The following CSMD1 variants were observed in gnomAD, a reference collection of about 807,000 sequenced individuals.
CSMD1 encodes the protein CUB and sushi domain-containing protein 1.
In CSMD1, 213 loss-of-function variants were observed where a neutral mutation model predicts 417.5. The ratio of observed to expected loss-of-function variants is 0.51; its 90% CI spans 0.46 to 0.57. The LOEUF (loss-of-function observed/expected upper bound fraction) is 0.57. Ranked by LOEUF, CSMD1 falls within the 20% of genes least tolerant of loss-of-function variation. The pLI, the probability that CSMD1 is intolerant of heterozygous loss-of-function variation, is 0.00. For synonymous variants in CSMD1, 2,862 were observed against 1,736.8 expected (o/e 1.65, Z -16.11); for missense variants, 6,923 against 4,529.7 (o/e 1.53, Z -15.17).
At chr8:3,431,338 G>A (rs1250510474) in intron 12 of CSMD1, among the ~76,000 whole-genome samples, 7 of 152,146 alleles carry the variant, frequency 4.6e-5, no homozygotes, top group Non-Finnish European at 8.8e-5. Flanking sequence ...CAGAAAGGCA[G>A]TAACTTGGAG....
intron 1 of CSMD1, among the ~76,000 whole-genome samples, chr8:4,848,570 AC>A (rs1164812241): frequency 6.7e-6 from 1 of 149,806 alleles, no homozygotes; most frequent in African/African-American, 2.5e-5. Flanking sequence ...ACGGAGTCTC[AC>A]TCTGTCACCC....
chr8:4,774,109 G>C (rs1320660737), intron 1 of CSMD1, among the ~76,000 whole-genome samples: 2 of 152,098 alleles, frequency 1.3e-5, no homozygotes, highest in Non-Finnish European at 2.9e-5. Flanking sequence ...AGGCAGGAGA[G>C]GGTTCACTTG....
intron 26 of CSMD1, among the ~76,000 whole-genome samples, chr8:3,270,809 A>G (rs999566864): frequency 7.9e-5 from 12 of 152,194 alleles, no homozygotes; most frequent in African/African-American, 2.9e-4. Flanking sequence ...AGACTGGGTA[A>G]TTTATAAAGA....
intron 3 of CSMD1, among the ~76,000 whole-genome samples, chr8:4,402,209 TG>T (rs1214045156): frequency 6.6e-6 from 1 of 152,170 alleles, no homozygotes; most frequent in African/African-American, 2.4e-5. Context: ...TGACATCCCA[TG>T]CTCTTATCTC....
intron 2 of CSMD1, among the ~76,000 whole-genome samples, chr8:4,424,216 T>A (rs1051739420): frequency 6.6e-6 from 1 of 151,916 alleles, no homozygotes; most frequent in Non-Finnish European, 1.5e-5. Context: ...ATTAAAAACT[T>A]TGGCTGCAAA....
At chr8:4,537,522 G>C (rs1000239935) in intron 2 of CSMD1, among the ~76,000 whole-genome samples, 4 of 152,166 alleles carry the variant, frequency 2.6e-5, no homozygotes, top group South Asian at 2.1e-4. Context: ...TTACAGACTA[G>C]TTTTAATTGA....
intron 5 of CSMD1, among the ~76,000 whole-genome samples, chr8:3,818,903 C>A (rs1221758707): frequency 1.3e-5 from 2 of 152,188 alleles, no homozygotes; most frequent in African/African-American, 4.8e-5. Flanking sequence ...GAAAGCAAGA[C>A]CACCGCACAT....
At chr8:4,659,411 T>C (rs1233808234) in intron 1 of CSMD1, among the ~76,000 whole-genome samples, 1 of 151,998 alleles carries the variant, frequency 6.6e-6, no homozygotes, top group Non-Finnish European at 1.5e-5. Context: ...AACAATAGAA[T>C]CTACAAACAT....
chr8:4,517,759 A>G (rs533842041), intron 2 of CSMD1, among the ~76,000 whole-genome samples: 25 of 152,334 alleles, frequency 1.6e-4, no homozygotes, highest in African/African-American at 5.8e-4. Context: ...GCTTCAAGTA[A>G]TGGCTACCAA....
At chr8:4,380,323 T>TC (rs1002276965) in intron 3 of CSMD1, among the ~76,000 whole-genome samples, 1 of 152,092 alleles carries the variant, frequency 6.6e-6, no homozygotes, top group Admixed American at 6.5e-5. Context: ...TAGCACACCC[T>TC]CCTTACATTG....
At chr8:3,176,402 A>C (rs1563112623) in intron 37 of CSMD1, among the ~76,000 whole-genome samples, 1 of 152,132 alleles carries the variant, frequency 6.6e-6, no homozygotes, top group East Asian at 1.9e-4. Context: ...GGGGACAGAT[A>C]GATAGATCTC....
In CSMD1 at chr8:3,011,888, A is replaced by C. The variant is rs564343697; in HGVS notation, c.8029+6589T>G. On this transcript the variant is annotated intron_variant, in intron 52 of 69. Coordinates refer to ENST00000635120, the MANE Select transcript of CSMD1 (RefSeq NM_033225.6). The stretch of plus-strand genomic sequence containing the variant: ...AAGCAAACTACCGCAGAGAAGATAA[A>C]CAGGAGAAAATAATTAAGGGATCAT... 2.0e-3 allele frequency among the ~76,000 whole-genome samples: 299 copies of C among 152,356 alleles called. 1 individual carries two copies. The highest frequency in any genetic ancestry group is 0.01 in the Middle Eastern group (3 of 294).
chr8:4,392,926 G>A (rs992143720), intron 3 of CSMD1, among the ~76,000 whole-genome samples: 1 of 151,974 alleles, frequency 6.6e-6, no homozygotes, highest in Non-Finnish European at 1.5e-5. Flanking sequence ...CGGAGATCCT[G>A]CCACTGCACT....
chr8:3,428,372 T>G (rs1047403884), intron 12 of CSMD1, among the ~76,000 whole-genome samples: 1 of 152,108 alleles, frequency 6.6e-6, no homozygotes, highest in Non-Finnish European at 1.5e-5. Flanking sequence ...AATATTCAAA[T>G]TACAGTACAA....
intron 26 of CSMD1, among the ~76,000 whole-genome samples, chr8:3,234,744 T>C (rs1472106929): frequency 6.6e-6 from 1 of 152,166 alleles, no homozygotes; most frequent in Non-Finnish European, 1.5e-5. Flanking sequence ...AAGCCACACA[T>C]TTTTCTAACG....
At position 4,611,894 on chromosome 8, in the gene CSMD1, G is replaced by A. The variant is rs1390244362; in HGVS notation, c.302+25448C>T. Among the ~76,000 whole-genome samples, 6 of 152,218 alleles carry A rather than the reference G, an allele frequency of 3.9e-5. No homozygotes were observed. In the East Asian group the frequency reaches 9.7e-4, roughly 25 times the overall value. On this transcript the variant is annotated intron_variant, in intron 2 of 69. Coordinates refer to ENST00000635120, the MANE Select transcript of CSMD1 (RefSeq NM_033225.6). ...TCATAATGCATCTTAAAGGTCAGCT[G>A]GCAATCAGTGACAAATTCTACATTC... is the stretch of plus-strand genomic sequence containing the variant.
At chr8:3,354,875 A>AGATATCTATATCTATAGATC (rs1424228406) in intron 21 of CSMD1, among the ~76,000 whole-genome samples, 23 of 71,522 alleles carry the variant, frequency 3.2e-4, no homozygotes, top group Non-Finnish European at 5.5e-4. Flanking sequence ...AGATATACAT[A>AGATATCTATATCTATAGATC]TATCTATAGA....
chr8:4,850,088 G>A (rs988908961), intron 1 of CSMD1, among the ~76,000 whole-genome samples: 2 of 152,124 alleles, frequency 1.3e-5, no homozygotes, highest in East Asian at 3.8e-4. Context: ...GTGTGAAGTA[G>A]GATCTCATGG....
intron 5 of CSMD1, among the ~76,000 whole-genome samples, chr8:3,783,180 C>G (rs1301954639): frequency 6.6e-6 from 1 of 152,208 alleles, no homozygotes; most frequent in Non-Finnish European, 1.5e-5. Context: ...TCCACCTGTT[C>G]TATTTGTTCA....
Sources: allele counts gnomAD v4.1 joint callset (sites outside exome capture counted in the v4.1 genomes callset), GRCh38; gene constraint gnomAD v4.1.1; transcripts MANE v1.5; gene names NCBI Gene and HGNC (gene_info 2026-07-23, HGNC 2026-07-21).